Variants in PPP1R1C observed in about 807,000 individuals in gnomAD.
PPP1R1C encodes the protein protein phosphatase 1 regulatory subunit 1C.
In PPP1R1C, 15 loss-of-function variants were observed where a neutral mutation model predicts 17.4. That is an observed-to-expected ratio of 0.86 (90% CI 0.58 to 1.33). PPP1R1C has a LOEUF of 1.33. PPP1R1C is among the 40% of genes most tolerant of loss of function. The pLI, the probability that PPP1R1C is intolerant of heterozygous loss-of-function variation, is 0.00. For synonymous variants in PPP1R1C, 35 were observed against 43.1 expected (o/e 0.81, Z 0.73); for missense variants, 143 against 130.0 (o/e 1.10, Z -0.48).
chr2:182,055,014 G>A (rs1437428244), intron 2 of PPP1R1C, among the ~76,000 whole-genome samples: 1 of 151,860 alleles, frequency 6.6e-6, no homozygotes, highest in African/African-American at 2.4e-5. Flanking sequence ...TATAATTACT[G>A]CTATGTTAGG....
rs1684922845 is a variant in PPP1R1C, at chr2:181,967,318, T to G, written n.112-7901T>G. ...TATTTCTGCTCTGATACCTGTGGGG[T>G]TTTTTTTCTTGTACTAATTTTGGGT... is the stretch of plus-strand genomic sequence containing the variant. On this transcript the variant is annotated intron_variant and non_coding_transcript_variant, in intron 1 of 5. Coordinates refer to the PPP1R1C transcript ENST00000464264. The surrounding 1 kb of genome is among the most constrained non-coding windows in gnomAD (Gnocchi z 5.5). Among the ~76,000 whole-genome samples the G allele has an allele frequency of 6.6e-6, 1 of 151,902 alleles. No individual in the cohort carries two copies. Among genetic ancestry groups the G allele is most frequent in the Non-Finnish European group, 1.5e-5 (1 of 67,960 alleles).
chr2:181,977,394 T>G (rs1685113338), intron 2 of PPP1R1C, among the ~76,000 whole-genome samples: 1 of 152,056 alleles, frequency 6.6e-6, no homozygotes, highest in South Asian at 2.1e-4. Flanking sequence ...GTGTGTGTGT[T>G]TGTTTCCATT....
In PPP1R1C at chr2:182,123,566, C is replaced by T. The variant is rs182263856; in HGVS notation, c.*7-5408C>T. 1.2e-4 allele frequency among the ~76,000 whole-genome samples: 18 copies of T among 152,294 alleles called. No individual in the cohort carries two copies. The East Asian group carries it at 3.3e-3, about 28-fold the overall frequency. ...CATTTTAACTAGCCTGAGATGTTAT[C>T]TCATGGTGGTTTTGATTTGCATTTC... On this transcript the variant is annotated intron_variant, in intron 5 of 5. Coordinates refer to the PPP1R1C transcript ENST00000280295.
intron 1 of PPP1R1C, among the ~76,000 whole-genome samples, chr2:181,960,347 AC>A (rs1042137227): frequency 2.0e-5 from 3 of 152,208 alleles, no homozygotes; most frequent in Non-Finnish European, 2.9e-5. Context: ...ATGAGCACAA[AC>A]CATATGGCTT....
Position 181,986,176 on chromosome 2 carries a change from T to G in PPP1R1C, c.66T>G (p.Pro22=). The change falls in exon 1 of 5, where the codon CCT becomes CCG. Residue 22 remains proline (P), a synonymous_variant. Transcript: ENST00000682840. ...CTGTATTCCAGAGTCAGATTGCACC[T>G]GAAGCAGCAGAGCAGGTATGTGAAA... is the stretch of plus-strand genomic sequence containing the variant. ...AVPVFQSQIA[P]EAAEQIRKRR... is the part of the protein sequence containing the mutation. The G allele has an allele frequency of 3.1e-6, 5 of 1,613,236 alleles. No individual in the cohort carries two copies. Among genetic ancestry groups the G allele is most frequent in the Non-Finnish European group, 4.2e-6 (5 of 1,179,202 alleles).
intron 2 of PPP1R1C, among the ~76,000 whole-genome samples, chr2:181,995,766 G>T (rs62192110): frequency 2.7e-5 from 4 of 148,454 alleles, no homozygotes; most frequent in Admixed American, 6.7e-5. Context: ...TTTTTTTTTG[G>T]AATTATTCAG....
chr2:182,037,495 G>C (rs1208262948), intron 2 of PPP1R1C, among the ~76,000 whole-genome samples: 2 of 151,938 alleles, frequency 1.3e-5, no homozygotes, highest in Non-Finnish European at 2.9e-5. Flanking sequence ...GCTGAGGCAG[G>C]AGAATCGCTT....
chr2:182,049,677 T>C (rs896568221), intron 2 of PPP1R1C, among the ~76,000 whole-genome samples: 4 of 152,162 alleles, frequency 2.6e-5, no homozygotes, highest in African/African-American at 9.7e-5. Flanking sequence ...TGATCATGTA[T>C]TCCAATAATA....
intron 1 of PPP1R1C, among the ~76,000 whole-genome samples, chr2:181,956,667 T>G (rs1236482118): frequency 6.6e-6 from 1 of 152,246 alleles, no homozygotes; most frequent in Non-Finnish European, 1.5e-5. Context: ...CATTTTTTCA[T>G]GTTTTTTTGG....
downstream of PPP1R1C, among the ~76,000 whole-genome samples, chr2:182,121,485 T>C (rs1689731326): frequency 6.6e-6 from 1 of 151,896 alleles, no homozygotes; most frequent in Non-Finnish European, 1.5e-5. Flanking sequence ...ACTTTTTATT[T>C]TTATTTATTT....
At chr2:181,997,056 T>C (rs1020625022) in intron 2 of PPP1R1C, among the ~76,000 whole-genome samples, 3 of 151,676 alleles carry the variant, frequency 2.0e-5, no homozygotes, top group African/African-American at 4.8e-5. Flanking sequence ...GGTGAAACCC[T>C]GTCTTTACTA....
upstream of PPP1R1C, among the ~76,000 whole-genome samples, chr2:181,983,038 G>A (rs1325187335): frequency 6.6e-6 from 1 of 152,150 alleles, no homozygotes; most frequent in Non-Finnish European, 1.5e-5. Flanking sequence ...CAATGATTGA[G>A]TATCTTGATT....
chr2:181,996,373 G>A lies in PPP1R1C; in HGVS notation c.142+8474G>A, dbSNP rs563961006. ...ACCTTCTCCCTCCCAGTCTGTGTGC[G>A]GTCTCTGCCCTCTCCATACTCATTT... On this transcript the variant is annotated intron_variant, in intron 2 of 4. Transcript: ENST00000682840. 6.6e-5 allele frequency among the ~76,000 whole-genome samples: 10 copies of A among 152,226 alleles called. No individual in the cohort carries two copies. In the South Asian group the frequency reaches 8.3e-4, roughly 13 times the overall value.
At chr2:181,989,393 G>A (rs1559047298) in intron 2 of PPP1R1C, among the ~76,000 whole-genome samples, 2 of 152,162 alleles carry the variant, frequency 1.3e-5, no homozygotes, top group Admixed American at 6.5e-5. Context: ...GATTTTTGTG[G>A]CTATTCCACT....
At chr2:181,980,258 A>T (rs1685169282) in intron 2 of PPP1R1C, among the ~76,000 whole-genome samples, 1 of 152,204 alleles carries the variant, frequency 6.6e-6, no homozygotes, top group South Asian at 2.1e-4. Flanking sequence ...TTTAATAATC[A>T]TCTCTCCAAA....
At chr2:182,126,060 G>C (rs1689865138) in intron 5 of PPP1R1C, among the ~76,000 whole-genome samples, 1 of 151,694 alleles carries the variant, frequency 6.6e-6, no homozygotes, top group African/African-American at 2.4e-5. Context: ...GGGAAGCACT[G>C]GTTTTAAATA....
In PPP1R1C at chr2:181,962,821, G is replaced by A. The variant is rs533580591; in HGVS notation, n.111+8187G>A. 3.7e-4 allele frequency among the ~76,000 whole-genome samples: 57 copies of A among 152,156 alleles called. 1 individual carries two copies. The South Asian group carries it at 0.011, about 31-fold the overall frequency. On this transcript the variant is annotated intron_variant and non_coding_transcript_variant, in intron 1 of 5. Coordinates refer to the PPP1R1C transcript ENST00000464264. The surrounding 1 kb of genome is among the most constrained non-coding windows in gnomAD (Gnocchi z 6.0). ...GGAAAGCGGAGCCTGAGCTAACCAG[G>A]GACCTTCACATCCACATGAAGACAG... is the stretch of plus-strand genomic sequence containing the variant.
intron 2 of PPP1R1C, among the ~76,000 whole-genome samples, chr2:182,060,050 A>G (rs180733706): frequency 4.1e-4 from 62 of 152,196 alleles, no homozygotes; most frequent in African/African-American, 1.4e-3. Context: ...ACATTGATAG[A>G]CAGGATTGTT....
At position 181,961,449 on chromosome 2, in the gene PPP1R1C, G is replaced by T; in HGVS notation, n.111+6815G>T. 2 of 878,788 alleles carry T rather than the reference G, an allele frequency of 2.3e-6. No homozygotes were observed. The highest frequency in any genetic ancestry group is 3.7e-6 in the Non-Finnish European group (2 of 543,746). 54.4% of individuals were successfully genotyped at this position (878,788 alleles called of 1,614,324 possible). A position where few individuals can be genotyped will look rare whatever the true frequency, so the allele number is the denominator to read the frequency against. ...GGCTCTGTGCCATCTCTGACTCCAG[G>T]TGCAGCAGGATCCTGTTGAGCTGCT... On this transcript the variant is annotated intron_variant and non_coding_transcript_variant, in intron 1 of 5. Transcript: ENST00000464264. This position sits in a 1 kb window ranked among gnomAD's most constrained non-coding sequence, Gnocchi z 5.8.
Sources: allele counts gnomAD v4.1 joint callset (sites outside exome capture counted in the v4.1 genomes callset), GRCh38; gene constraint gnomAD v4.1.1; non-coding constraint Gnocchi (gnomAD v3.1); transcripts MANE v1.5; gene names NCBI Gene and HGNC (gene_info 2026-07-23, HGNC 2026-07-21).